The following POM121 variants were observed in gnomAD, a reference collection of about 807,000 sequenced individuals.
POM121 encodes nuclear envelope pore membrane protein POM 121.
POM121 carries 32 observed loss-of-function variants against 81.3 expected under a neutral mutation model. The observed-to-expected ratio is 0.39, with a 90% CI of 0.30 to 0.53. The LOEUF is 0.53. POM121 is among the 20% of genes least tolerant of loss of function. The pLI is 0.66. For synonymous variants in POM121, 514 were observed against 694.2 expected (o/e 0.74, Z 4.08); for missense variants, 1,138 against 1,614.6 (o/e 0.70, Z 5.06).
intron 3 of POM121, among the ~76,000 whole-genome samples, chr7:72,892,975 T>C (rs1791457727): frequency 6.6e-6 from 1 of 151,790 alleles, no homozygotes; most frequent in Non-Finnish European, 1.5e-5. Flanking sequence ...TACTTATTTA[T>C]TGAGACAGAG....
intron 5 of POM121, among the ~76,000 whole-genome samples, chr7:72,933,077 C>G (rs139662051): frequency 6.8e-6 from 1 of 146,858 alleles, no homozygotes; most frequent in Non-Finnish European, 1.5e-5. Context: ...GCCAGCCGAG[C>G]TTGGTGGCTT....
intron 3 of POM121, among the ~76,000 whole-genome samples, chr7:72,911,564 C>T (rs1389525917): frequency 3.9e-5 from 6 of 152,242 alleles, no homozygotes; most frequent in Non-Finnish European, 7.3e-5. Flanking sequence ...AGAGCCTGCA[C>T]CGCAGTCACT....
intron 3 of POM121, among the ~76,000 whole-genome samples, chr7:72,910,056 C>T (rs1793654126): frequency 6.6e-6 from 1 of 152,178 alleles, no homozygotes; most frequent in African/African-American, 2.4e-5. Flanking sequence ...GAGGGCATGG[C>T]CAGGACTTCT....
chr7:72,924,958 G>T (rs1275494909), upstream of POM121: 2 of 1,233,490 alleles, frequency 1.6e-6, no homozygotes, highest in Non-Finnish European at 2.1e-6. Flanking sequence ...AGAAACAGGC[G>T]TTAAAGGCAG....
chr7:72,893,754 A>T (rs1791553262), intron 3 of POM121, among the ~76,000 whole-genome samples: 1 of 152,198 alleles, frequency 6.6e-6, no homozygotes, highest in Admixed American at 6.5e-5. Context: ...CTCGTCAGCA[A>T]GCGCTCTGGC....
At chr7:72,890,913 G>C in intron 2 of POM121, 3 of 1,128,558 alleles carry the variant, frequency 2.7e-6, no homozygotes, top group Non-Finnish European at 2.6e-6. Context: ...GGTAAAAAAT[G>C]GAGCATTTCT....
At chr7:72,890,325 T>C (rs1317303473) in intron 1 of POM121, among the ~76,000 whole-genome samples, 2 of 152,210 alleles carry the variant, frequency 1.3e-5, no homozygotes, top group Non-Finnish European at 2.9e-5. Context: ...TTTGTTTACA[T>C]GTTTATCTCC....
At chr7:72,894,750 C>G (rs1791760948) in intron 3 of POM121, among the ~76,000 whole-genome samples, 1 of 151,614 alleles carries the variant, frequency 6.6e-6, no homozygotes, top group African/African-American at 2.4e-5. Context: ...CCTCCAACTC[C>G]TGGACTCAAG....
rs782406104 is a variant in POM121, at chr7:72,943,497, A to G, written c.3504A>G (p.Thr1168=). The G allele has an allele frequency of 2.5e-6, 4 of 1,612,382 alleles. No homozygotes were observed. The South Asian group carries it at 4.4e-5, about 18-fold the overall frequency. ...CGTTTGCCTTCAACGTGAGCAGCAC[A>G]ACTGAGAGCAAACCTGTGTTTGGAG... ...STPFAFNVSS[T]TESKPVFGGT... Residue 1168 remains threonine (T), a synonymous_variant, in exon 11 of 13, where the codon ACA becomes ACG. Coordinates refer to ENST00000434423, the MANE Select transcript of POM121 (RefSeq NM_001387691.1).
At chr7:72,898,564 A>G (rs1792203718) in intron 3 of POM121, among the ~76,000 whole-genome samples, 1 of 152,188 alleles carries the variant, frequency 6.6e-6, no homozygotes. Flanking sequence ...TGGGAGGCCA[A>G]GGTGGGTGGA....
chr7:72,908,641 C>T (rs1174554902), intron 3 of POM121, among the ~76,000 whole-genome samples: 30 of 152,100 alleles, frequency 2.0e-4, no homozygotes, highest in African/African-American at 6.0e-4. Flanking sequence ...TATCTGCAAC[C>T]GTAAAAGACA....
At position 72,925,299 on chromosome 7, in the gene POM121, G is replaced by T; in HGVS notation, c.178G>T (p.Val60Leu). The change falls in exon 1 of 13, where the codon GTG (valine) becomes TTG (leucine). Residue 60 changes from valine to leucine, a missense_variant. Val to Leu is a conservative substitution (Grantham distance 32). Transcript: ENST00000434423. ...PAAAALAWLT[V>L]GATAAWWGLS... ...TGCGGCTGCACTGGCCTGGCTGACC[G>T]TGGGGGCTACCGCGGCCTGGTGGGG... is the stretch of plus-strand genomic sequence containing the variant. 2.0e-6 allele frequency: 3 copies of T among 1,534,568 alleles called. No homozygotes were observed. The highest frequency in any genetic ancestry group is 1.7e-6 in the Non-Finnish European group (2 of 1,146,468).
intron 3 of POM121, among the ~76,000 whole-genome samples, chr7:72,906,990 T>G (rs1169933250): frequency 6.6e-6 from 1 of 152,176 alleles, no homozygotes; most frequent in African/African-American, 2.4e-5. Flanking sequence ...TTAGAAGATT[T>G]ATACTTAATT....
At chr7:72,883,533 C>A (rs1243812357) in intron 1 of POM121, among the ~76,000 whole-genome samples, 3 of 152,132 alleles carry the variant, frequency 2.0e-5, no homozygotes, top group Non-Finnish European at 4.4e-5. Flanking sequence ...TGGGTTAAAT[C>A]TTTTAATAGT....
In POM121 at chr7:72,926,341, C is replaced by T. The variant is rs1554497448; in HGVS notation, c.724C>T (p.Leu242=). 2 of 1,613,050 alleles carry T rather than the reference C, an allele frequency of 1.2e-6. No homozygotes were observed. Among genetic ancestry groups the T allele is most frequent in the South Asian group, 2.2e-5 (2 of 90,944 alleles). ...GATCCATCAGGCCCAGTATTCCTGT[C>T]TGGGGGTACTTCCCACCGTGTGCTG... ...YPIHQAQYSC[L]GVLPTVCWNG... is the part of the protein sequence containing the mutation. Residue 242 remains leucine, a synonymous_variant, in exon 2 of 13, where the codon CTG becomes TTG. Transcript: ENST00000434423.
chr7:72,927,048 G>A, intron 3 of POM121, 85 bp downstream of exon 3: 1 of 1,601,050 alleles, frequency 6.2e-7, no homozygotes, highest in East Asian at 2.2e-5. Flanking sequence ...TAGATACAGA[G>A]GCCATCTCCA....
intron 3 of POM121, among the ~76,000 whole-genome samples, chr7:72,910,009 T>C (rs1475973126): frequency 6.6e-6 from 1 of 152,216 alleles, no homozygotes; most frequent in Non-Finnish European, 1.5e-5. Context: ...AAGCTTTTGC[T>C]GTGTTGATCC....
At position 72,942,243 on chromosome 7, in the gene POM121, C is replaced by T; in HGVS notation, c.2250C>T (p.Val750=). The part of the protein sequence containing the change: ...KEGPTPPGPS[V]TATAPSSSSL... The stretch of plus-strand genomic sequence containing the variant: ...GCCCCACACCGCCTGGCCCTTCAGT[C>T]ACAGCCACAGCGCCCTCCAGCTCCT... The change falls in exon 11 of 13, where the codon GTC becomes GTT. Residue 750 remains valine (V), a synonymous_variant. Coordinates refer to ENST00000434423, the MANE Select transcript of POM121 (RefSeq NM_001387691.1). 6.2e-7 allele frequency: 1 copy of T among 1,609,052 alleles called. No homozygotes were observed. Among genetic ancestry groups the T allele is most frequent in the Non-Finnish European group, 8.5e-7 (1 of 1,179,682 alleles).
intron 3 of POM121, among the ~76,000 whole-genome samples, chr7:72,896,380 G>T (rs1791951557): frequency 6.6e-6 from 1 of 150,376 alleles, no homozygotes; most frequent in South Asian, 2.1e-4. Flanking sequence ...CAGCTATTCA[G>T]GAGGCTGAGG....
Sources: allele counts gnomAD v4.1 joint callset (sites outside exome capture counted in the v4.1 genomes callset), GRCh38; gene constraint gnomAD v4.1.1; transcripts MANE v1.5; gene names NCBI Gene and HGNC (gene_info 2026-07-23, HGNC 2026-07-21).